COL21A1: variants seen among roughly 807,000 people sequenced by gnomAD.
COL21A1 encodes collagen type XXI alpha 1 chain.
Under a neutral mutation model 137.9 loss-of-function variants are expected in COL21A1, and 149 were observed. The observed-to-expected ratio is 1.08, with a 90% CI of 0.95 to 1.24. The LOEUF is 1.24. COL21A1 is among the 50% of genes most tolerant of loss of function. COL21A1 has a pLI of 0.00. For synonymous variants in COL21A1, 456 were observed against 391.5 expected, an observed-to-expected ratio of 1.16 and a Z score of -1.95; for missense variants, 1,167 against 1,158.4, an observed-to-expected ratio of 1.01 and a Z score of -0.11.
At chr6:56,369,406 G>T (rs1416158528) in intron 1 of COL21A1, among the ~76,000 whole-genome samples, 1 of 151,398 alleles carries the variant, frequency 6.6e-6, no homozygotes, top group Non-Finnish European at 1.5e-5. Context: ...ATGTGAGAGG[G>T]TGTTATGTAA....
intron 1 of COL21A1, among the ~76,000 whole-genome samples, chr6:56,369,819 A>G (rs1356009465): frequency 6.6e-6 from 1 of 152,228 alleles, no homozygotes; most frequent in Non-Finnish European, 1.5e-5. Context: ...TAAAACAGCC[A>G]CAGTAAATAT....
intron 1 of COL21A1, among the ~76,000 whole-genome samples, chr6:56,194,503 A>G (rs550840675): frequency 6.6e-6 from 1 of 152,284 alleles, no homozygotes. Flanking sequence ...TAAATAAATG[A>G]ATCTCCTCAT....
At chr6:56,384,876 T>C (rs1562080918) in intron 1 of COL21A1, among the ~76,000 whole-genome samples, 1 of 152,188 alleles carries the variant, frequency 6.6e-6, no homozygotes. Context: ...GTATAGGTCC[T>C]GAGGCTTCAA....
intron 27 of COL21A1, 67 bp from the exon 28 acceptor site, chr6:56,060,285 A>AT (rs910121634): frequency 2.2e-6 from 3 of 1,335,824 alleles, no homozygotes; most frequent in Non-Finnish European, 3.0e-6. Context: ...TATATTTTTA[A>AT]TTTTTTTCAG....
At chr6:56,194,782 T>A (rs1419705758) in intron 1 of COL21A1, among the ~76,000 whole-genome samples, 9 of 152,020 alleles carry the variant, frequency 5.9e-5, no homozygotes, top group Admixed American at 5.2e-4. Context: ...ATTACATAGC[T>A]TTAGTTTGTA....
At chr6:56,061,277 T>C in intron 25 of COL21A1, 1 of 521,654 alleles carries the variant, frequency 1.9e-6, no homozygotes, top group South Asian at 3.0e-5. Context: ...ATTGAGTATA[T>C]TGTATAGGTA....
At chr6:56,219,930 C>T (rs1345443602) in intron 1 of COL21A1, among the ~76,000 whole-genome samples, 2 of 152,104 alleles carry the variant, frequency 1.3e-5, no homozygotes, top group Non-Finnish European at 2.9e-5. Flanking sequence ...CACAATTCTT[C>T]CAATCAAGGC....
rs181428128 is a variant in COL21A1 at position 56,272,216 on chromosome 6, A to G, written c.-38-89560T>C. Among the ~76,000 whole-genome samples, 5 of 152,356 alleles carry G rather than the reference A, an allele frequency of 3.3e-5. No individual in the cohort carries two copies. The East Asian group carries it at 9.6e-4, about 29-fold the overall frequency. On this transcript the variant is annotated intron_variant, in intron 1 of 28. Coordinates refer to the COL21A1 transcript ENST00000370819. ...AGCAGTCACAGGGGCAGAGCTGACCATGGTCTTGGGAGCTCATCCCTTGCA... is the reference window on the plus strand; with the variant it reads ...AGCAGTCACAGGGGCAGAGCTGACCGTGGTCTTGGGAGCTCATCCCTTGCA...
intron 1 of COL21A1, among the ~76,000 whole-genome samples, chr6:56,336,669 T>G (rs1377641701): frequency 6.6e-6 from 1 of 152,190 alleles, no homozygotes; most frequent in Non-Finnish European, 1.5e-5. Flanking sequence ...TGAGATCATT[T>G]ATGTGAAAAC....
intron 1 of COL21A1, among the ~76,000 whole-genome samples, chr6:56,221,493 C>T (rs973471509): frequency 2.2e-4 from 34 of 152,042 alleles, no homozygotes; most frequent in African/African-American, 7.7e-4. Flanking sequence ...GAGATCAAAG[C>T]AGGAGGATTA....
At chr6:56,157,398 C>T (rs138262869) in intron 9 of COL21A1, among the ~76,000 whole-genome samples, 1 of 150,852 alleles carries the variant, frequency 6.6e-6, no homozygotes. Flanking sequence ...GCAACCTCCA[C>T]CTTCTGGGTT....
At chr6:56,253,053 T>C (rs1025630116) in intron 1 of COL21A1, among the ~76,000 whole-genome samples, 1 of 152,170 alleles carries the variant, frequency 6.6e-6, no homozygotes, top group African/African-American at 2.4e-5. Flanking sequence ...ACAATCCCAG[T>C]TTCCAGACTT....
At chr6:56,365,936 T>TA (rs1211999779) in intron 1 of COL21A1, among the ~76,000 whole-genome samples, 1 of 152,144 alleles carries the variant, frequency 6.6e-6, no homozygotes, top group Non-Finnish European at 1.5e-5. Context: ...TTCTAATCCC[T>TA]AAAAAAGAAT....
At chr6:56,224,278 G>C (rs1178421588) in intron 1 of COL21A1, among the ~76,000 whole-genome samples, 1 of 152,084 alleles carries the variant, frequency 6.6e-6, no homozygotes, top group Admixed American at 6.6e-5. Context: ...CTATAAAACT[G>C]TACCAGACTA....
intron 25 of COL21A1, chr6:56,061,294 A>G: frequency 2.0e-6 from 1 of 495,978 alleles, no homozygotes; most frequent in East Asian, 3.3e-5. Context: ...GGTAATACGC[A>G]TACTGCCAGA....
At chr6:56,074,844 A>G (rs1767069235) in intron 19 of COL21A1, among the ~76,000 whole-genome samples, 2 of 151,446 alleles carry the variant, frequency 1.3e-5, no homozygotes, top group South Asian at 4.1e-4. Flanking sequence ...ACTATTATAC[A>G]TATTTAACAC....
At chr6:56,121,465 CATATGTATATATATATACATATACATAT>C (rs1176218984) in intron 16 of COL21A1, among the ~76,000 whole-genome samples, 1 of 140,226 alleles carries the variant, frequency 7.1e-6, no homozygotes, top group Non-Finnish European at 1.5e-5. Flanking sequence ...GTTATTTTGT[CATATGTATATATATATACATATACATAT>C]ATATGTATAT....
chr6:56,125,546 T>A, intron 14 of COL21A1, 21 bp downstream of exon 14: 1 of 1,562,698 alleles, frequency 6.4e-7, no homozygotes, highest in Non-Finnish European at 8.8e-7. Flanking sequence ...ATGAATACTT[T>A]GTTGTGTGAT....
intron 17 of COL21A1, among the ~76,000 whole-genome samples, chr6:56,097,450 GCCTCCATGAGGCAGTCACTGTGTTTC>G (rs1471443445): frequency 1.3e-5 from 2 of 151,962 alleles, no homozygotes; most frequent in Non-Finnish European, 2.9e-5. Context: ...TAGGCTGTAA[GCCTCCATGAGGCAGTCACTGTGTTTC>G]CCTCACCACT....
Sources: allele counts gnomAD v4.1 joint callset (sites outside exome capture counted in the v4.1 genomes callset), GRCh38; gene constraint gnomAD v4.1.1; transcripts MANE v1.5; gene names NCBI Gene and HGNC (gene_info 2026-07-23, HGNC 2026-07-21).